Variants in DMD observed in about 807,000 individuals in gnomAD.
DMD encodes the protein dystrophin, also known as mutant dystrophin.
DMD carries 63 observed loss-of-function variants against 330.1 expected under a neutral mutation model. The observed-to-expected ratio is 0.19, with a 90% CI of 0.16 to 0.24. DMD has a LOEUF of 0.24. Ranked by LOEUF, DMD falls within the 10% of genes least tolerant of loss-of-function variation. The pLI, the probability that DMD is intolerant of heterozygous loss-of-function variation, is 1.00. For missense variants in DMD, 3,344 were observed against 2,684.1 expected (o/e 1.25, Z -5.43); for synonymous variants, 1,223 against 959.8 (o/e 1.27, Z -5.07).
At chrX:31,129,739 G>A (rs2034233943) in intron 77 of DMD, among the ~76,000 whole-genome samples, 1 of 112,174 alleles carries the variant, frequency 8.9e-6, no homozygotes, top group African/African-American at 3.2e-5. Flanking sequence ...AGGGATAACC[G>A]CTCAAATCCT....
chrX:32,570,945 G>A (rs2052347261), intron 15 of DMD, among the ~76,000 whole-genome samples: 1 of 111,858 alleles, frequency 8.9e-6, no homozygotes, highest in African/African-American at 3.2e-5. Flanking sequence ...TAAAATAACT[G>A]TACTATTCTG....
At chrX:31,565,086 T>C (rs1432980566) in intron 55 of DMD, among the ~76,000 whole-genome samples, 1 of 112,315 alleles carries the variant, frequency 8.9e-6, no homozygotes, top group African/African-American at 3.2e-5. Flanking sequence ...GAGATAATTG[T>C]ATGTTCACAT....
At chrX:31,960,404 G>T (rs923805665) in intron 45 of DMD, among the ~76,000 whole-genome samples, 1 of 111,488 alleles carries the variant, frequency 9.0e-6, no homozygotes, top group African/African-American at 3.3e-5. Flanking sequence ...TTTAGGGTAA[G>T]TCAATGGTGC....
intron 2 of DMD, among the ~76,000 whole-genome samples, chrX:32,968,724 T>C (rs1456137911): frequency 9.2e-6 from 1 of 108,565 alleles, no homozygotes; most frequent in African/African-American, 3.3e-5. Flanking sequence ...TTGGAATTAG[T>C]TGCCTCGTAA....
intron 17 of DMD, among the ~76,000 whole-genome samples, chrX:32,537,820 G>T (rs775882717): frequency 8.9e-6 from 1 of 112,147 alleles, no homozygotes; most frequent in Admixed American, 9.4e-5. Flanking sequence ...AACAGCTCTG[G>T]GAATGTGATC....
At chrX:32,511,524 GAA>G (rs67754841) in intron 18 of DMD, among the ~76,000 whole-genome samples, 54 of 49,789 alleles carry the variant, frequency 1.1e-3, no homozygotes, top group African/African-American at 3.7e-3. Flanking sequence ...TCCGTCTCGG[GAA>G]AAAAAAAAAA....
At chrX:32,738,869 C>G (rs1211584363) in intron 7 of DMD, among the ~76,000 whole-genome samples, 6 of 111,478 alleles carry the variant, frequency 5.4e-5, no homozygotes, top group African/African-American at 2.0e-4. Flanking sequence ...GAAATTCACT[C>G]TGAAATTCAA....
chrX:32,222,357 C>A (rs759834522), intron 43 of DMD, among the ~76,000 whole-genome samples: 41 of 111,845 alleles, frequency 3.7e-4, no homozygotes, highest in African/African-American at 1.3e-3. Flanking sequence ...CCTAACATCA[C>A]ACCTGAAGGA....
intron 52 of DMD, among the ~76,000 whole-genome samples, chrX:31,727,575 T>A (rs1221056893): frequency 8.9e-6 from 1 of 112,051 alleles, no homozygotes; most frequent in Non-Finnish European, 1.9e-5. Flanking sequence ...CATATGAGTC[T>A]TATGCTCTGG....
chrX:33,158,051 T>C (rs1460993885), intron 1 of DMD, among the ~76,000 whole-genome samples: 1 of 112,124 alleles, frequency 8.9e-6, no homozygotes, highest in Non-Finnish European at 1.9e-5. Flanking sequence ...GCTATGAAAG[T>C]ACACAGAAAT....
At chrX:32,138,986 CT>C (rs1401946291) in intron 44 of DMD, among the ~76,000 whole-genome samples, 1 of 112,414 alleles carries the variant, frequency 8.9e-6, no homozygotes, top group Non-Finnish European at 1.9e-5. Flanking sequence ...CTGGACGGAA[CT>C]TTTTTTGGAA....
Position 31,522,363 on chromosome X carries a change from C to CTCTA in DMD, c.8218-14911_8218-14910insTAGA. ...TCTCTCTCTCTCTCTCTCTCTCTCT[C>CTCTA]TATATATATATATATATATATATAG... On this transcript the variant is annotated intron_variant, in intron 55 of 78. Transcript: ENST00000357033. Among the ~76,000 whole-genome samples the CTCTA allele has an allele frequency of 9.0e-3, 325 of 35,941 alleles. 8 individuals carry two copies. The highest frequency in any genetic ancestry group is 0.026 in the Admixed American group (61 of 2,388). The allele number at this position is 35,941 out of a possible 115,157, so 31.2% of individuals were successfully genotyped here. A position where few individuals can be genotyped will look rare whatever the true frequency, so the allele number is the denominator to read the frequency against.
intron 44 of DMD, among the ~76,000 whole-genome samples, chrX:32,017,808 A>T (rs2095775910): frequency 8.9e-6 from 1 of 112,085 alleles, no homozygotes; most frequent in African/African-American, 3.2e-5. Flanking sequence ...TAGAAAGAAC[A>T]TCCTTCAAAA....
intron 1 of DMD, among the ~76,000 whole-genome samples, chrX:33,322,595 A>G (rs2054031993): frequency 9.0e-6 from 1 of 111,555 alleles, no homozygotes; most frequent in Non-Finnish European, 1.9e-5. Flanking sequence ...GGCAGAAATC[A>G]TTTCTGATTA....
At chrX:32,536,264 CAAA>C (rs1191335690) in intron 17 of DMD, among the ~76,000 whole-genome samples, 18 of 36,360 alleles carry the variant, frequency 5.0e-4, no homozygotes, top group Admixed American at 2.1e-3. Context: ...ACTCCGTCTC[CAAA>C]AAAAAAAAAA....
At chrX:31,203,109 C>A (rs540818867) in intron 67 of DMD, among the ~76,000 whole-genome samples, 7 of 108,459 alleles carry the variant, frequency 6.5e-5, no homozygotes, top group African/African-American at 2.3e-4. Flanking sequence ...TGGTGAAACC[C>A]TGTCTCTACT....
intron 44 of DMD, among the ~76,000 whole-genome samples, chrX:32,039,282 T>C (rs988290982): frequency 9.0e-6 from 1 of 111,386 alleles, no homozygotes; most frequent in Non-Finnish European, 1.9e-5. Context: ...ATGAGAAGGA[T>C]GAGAAAGGAA....
chrX:31,122,507 T>C (rs2032839013), intron 78 of DMD, among the ~76,000 whole-genome samples: 1 of 111,705 alleles, frequency 9.0e-6, no homozygotes, highest in Admixed American at 9.5e-5. Flanking sequence ...GGCTTGCTTC[T>C]GAGGCTATGG....
chrX:32,142,509 T>C (rs926823687), intron 44 of DMD, among the ~76,000 whole-genome samples: 2 of 112,632 alleles, frequency 1.8e-5, no homozygotes, highest in African/African-American at 6.5e-5. Flanking sequence ...GAATATGCAC[T>C]GAATATCATC....
Sources: allele counts gnomAD v4.1 joint callset (sites outside exome capture counted in the v4.1 genomes callset), GRCh38; gene constraint gnomAD v4.1.1; transcripts MANE v1.5; gene names NCBI Gene and HGNC (gene_info 2026-07-23, HGNC 2026-07-21).